Variants in EGFR observed in about 807,000 individuals in gnomAD.
EGFR encodes avian erythroblastic leukemia viral (v-erb-b) oncogene homolog.
Under a neutral mutation model 143.0 loss-of-function variants are expected in EGFR, and 58 were observed. The ratio of observed to expected loss-of-function variants is 0.41; its 90% CI spans 0.33 to 0.50. The LOEUF (loss-of-function observed/expected upper bound fraction) is 0.50, where lower values mean the gene tolerates loss of function less well. EGFR is among the 20% of genes least tolerant of loss of function. The probability of loss-of-function intolerance (pLI) is 0.39; values close to 1 mark genes in which losing one functional copy is unlikely to be tolerated. For missense variants in EGFR, 1,307 were observed against 1,579.0 expected, an observed-to-expected ratio of 0.83 and a Z score of 2.92; for synonymous variants, 613 against 594.4, an observed-to-expected ratio of 1.03 and a Z score of -0.45.
intron 20 of EGFR, among the ~76,000 whole-genome samples, chr7:55,185,054 A>C (rs759997338): frequency 1.3e-5 from 2 of 152,150 alleles, no homozygotes; most frequent in Non-Finnish European, 2.9e-5. Flanking sequence ...TTTTCTTCTA[A>C]ATGTTGATGG....
Position 55,205,793 on chromosome 7 carries a change from G to A in EGFR, c.*176G>A, listed in dbSNP as rs1469766257. On this transcript the variant is annotated 3_prime_UTR_variant, in exon 28 of 28. Coordinates refer to ENST00000275493, the MANE Select transcript of EGFR (RefSeq NM_005228.5). ...TACTTCCACCTCGGGCACATTTTGG[G>A]AAGTTGCATTCCTTTGTCTTCAAAC... The A allele has an allele frequency of 7.8e-6, 7 of 902,150 alleles. No individual in the cohort carries two copies. The highest frequency in any genetic ancestry group is 1.2e-5 in the Non-Finnish European group (7 of 589,180). 55.9% of individuals were successfully genotyped at this position (902,150 alleles called of 1,614,324 possible). A position where few individuals can be genotyped will look rare whatever the true frequency, so the allele number is the denominator to read the frequency against.
chr7:55,185,093 A>G (rs1787071785), intron 20 of EGFR, among the ~76,000 whole-genome samples: 2 of 152,194 alleles, frequency 1.3e-5, no homozygotes, highest in South Asian at 4.1e-4. Context: ...TGCAAGTTTC[A>G]TTGTCCTGAC....
chr7:55,154,408 C>A (rs1446742548), intron 7 of EGFR, among the ~76,000 whole-genome samples: 2 of 152,212 alleles, frequency 1.3e-5, no homozygotes, highest in Non-Finnish European at 2.9e-5. Flanking sequence ...GTGGCCAGGC[C>A]ACCTCACAGG....
rs1055941547 is a variant in EGFR, at chr7:55,201,859, C to G, written c.3162+77C>G. 12 of 1,536,604 alleles carry G rather than the reference C, an allele frequency of 7.8e-6. No individual in the cohort carries two copies. The African/African-American group carries it at 1.4e-4, about 17-fold the overall frequency. Reference sequence around the variant, plus strand: ...TATTTTACATGGAAAATGCCTTAACCTAAATAATTTTAACCCAGATAATCT... The same window carrying G: ...TATTTTACATGGAAAATGCCTTAACGTAAATAATTTTAACCCAGATAATCT... On this transcript the variant is annotated intron_variant, in intron 26 of 27. Transcript: ENST00000275493.
intron 6 of EGFR, among the ~76,000 whole-genome samples, chr7:55,153,506 T>C (rs1286353756): frequency 6.6e-6 from 1 of 152,200 alleles, no homozygotes; most frequent in Non-Finnish European, 1.5e-5. Flanking sequence ...CTGTTTCTAA[T>C]GTGAGCCCCA....
chr7:55,036,273 G>T (rs58982274), intron 1 of EGFR, among the ~76,000 whole-genome samples: 1,934 of 34,688 alleles, frequency 0.056, 183 homozygotes, highest in African/African-American at 0.14. Flanking sequence ...TGTGTGTGTG[G>T]GGGGGGGGGG....
At chr7:55,204,777 CCA>C (rs1788040627) in intron 27 of EGFR, among the ~76,000 whole-genome samples, 1 of 146,392 alleles carries the variant, frequency 6.8e-6, no homozygotes, top group Admixed American at 6.9e-5. Flanking sequence ...CACATACACA[CCA>C]CACACACCAT....
chr7:55,029,375 CCT>C (rs1787121681), intron 1 of EGFR, among the ~76,000 whole-genome samples: 1 of 151,642 alleles, frequency 6.6e-6, no homozygotes, highest in Non-Finnish European at 1.5e-5. Flanking sequence ...AGTGTATTGC[CCT>C]GTTTTCTTTC....
intron 27 of EGFR, among the ~76,000 whole-genome samples, chr7:55,204,541 TACAC>T (rs998304354): frequency 2.8e-5 from 3 of 108,484 alleles, no homozygotes; most frequent in South Asian, 3.1e-4. Flanking sequence ...TACGCATATA[TACAC>T]ACACACATAC....
At chr7:55,043,203 C>T (rs552683400) in intron 1 of EGFR, among the ~76,000 whole-genome samples, 3 of 152,240 alleles carry the variant, frequency 2.0e-5, no homozygotes, top group Non-Finnish European at 4.4e-5. Context: ...AATAGATTTT[C>T]GGAATGTTAA....
intron 1 of EGFR, among the ~76,000 whole-genome samples, chr7:55,081,116 T>C (rs772398563): frequency 1.1e-4 from 17 of 152,218 alleles, no homozygotes; most frequent in African/African-American, 1.7e-4. Context: ...TCCCAGGTAG[T>C]ATTTTTCCTC....
rs1051753269 is a variant in EGFR, at chr7:55,174,029, G to A, written c.2170G>A (p.Gly724Ser). The change falls in exon 18 of 28, where the codon GGC becomes AGC. Residue 724 changes from glycine (G) to serine (S), a missense_variant. By Grantham distance (56) the Gly-to-Ser change is moderately conservative. Around this residue, in one of 7 missense-constraint regions of EGFR, gnomAD observed 348 missense variants for 451.5 expected, o/e 0.77. Coordinates refer to ENST00000275493, the MANE Select transcript of EGFR (RefSeq NM_005228.5). ...KIKVLGSGAF[G>S]TVYKGLWIPE... ...CAAAGTGCTGGGCTCCGGTGCGTTC[G>A]GCACGGTGTATAAGGTAAGGTCCCT... 3 of 1,614,074 alleles carry A rather than the reference G, an allele frequency of 1.9e-6. No homozygotes were observed. Among genetic ancestry groups the A allele is most frequent in the African/African-American group, 2.7e-5 (2 of 74,940 alleles).
intron 1 of EGFR, among the ~76,000 whole-genome samples, chr7:55,071,069 C>T (rs754623720): frequency 1.4e-4 from 21 of 152,332 alleles, no homozygotes; most frequent in Non-Finnish European, 2.6e-4. Context: ...AGAGGTGGAA[C>T]GTTGGCCCTT....
At chr7:55,117,708 G>A (rs1360487444) in intron 1 of EGFR, among the ~76,000 whole-genome samples, 5 of 152,200 alleles carry the variant, frequency 3.3e-5, no homozygotes, top group East Asian at 3.8e-4. Context: ...TGCCCTCAAC[G>A]AAGGAGCAAG....
At chr7:55,077,433 T>C (rs921361515) in intron 1 of EGFR, among the ~76,000 whole-genome samples, 9 of 152,244 alleles carry the variant, frequency 5.9e-5, no homozygotes, top group Admixed American at 6.5e-5. Context: ...CACTAAATTT[T>C]CTGATCTTGA....
At chr7:55,093,170 GT>G (rs1562707440) in intron 1 of EGFR, among the ~76,000 whole-genome samples, 1 of 152,194 alleles carries the variant, frequency 6.6e-6, no homozygotes, top group Admixed American at 6.5e-5. Context: ...GGTCCGCTGG[GT>G]TCCTTCCAGC....
intron 1 of EGFR, among the ~76,000 whole-genome samples, chr7:55,045,111 A>T (rs1399398109): frequency 6.6e-6 from 1 of 152,212 alleles, no homozygotes; most frequent in South Asian, 2.1e-4. Context: ...CATCACCTCC[A>T]GTTGAGAAAC....
intron 20 of EGFR, among the ~76,000 whole-genome samples, chr7:55,190,262 G>A (rs1024495397): frequency 2.6e-5 from 4 of 152,128 alleles, no homozygotes; most frequent in Non-Finnish European, 4.4e-5. Flanking sequence ...TCGGAAACCC[G>A]TAGGAGCGCT....
chr7:55,124,924 C>T (rs10235245), intron 1 of EGFR, among the ~76,000 whole-genome samples: 41,220 of 152,202 alleles, frequency 0.27, 5,839 homozygotes, highest in South Asian at 0.32. Flanking sequence ...CTCTTTAACC[C>T]CTGTCGGGGT....
Sources: allele counts gnomAD v4.1 joint callset (sites outside exome capture counted in the v4.1 genomes callset), GRCh38; gene constraint gnomAD v4.1.1; regional missense constraint gnomAD v4.1.1; transcripts MANE v1.5; gene names NCBI Gene and HGNC (gene_info 2026-07-23, HGNC 2026-07-21).